Variants in CELSR3 observed in about 807,000 individuals in gnomAD.
The protein encoded by CELSR3 is EGF-like protein 1.
In CELSR3, 73 loss-of-function variants were observed where a neutral mutation model predicts 270.0. That is an observed-to-expected ratio of 0.27 (90% CI 0.22 to 0.33). CELSR3 has a LOEUF of 0.33. Ranked by LOEUF, CELSR3 falls within the 10% of genes least tolerant of loss-of-function variation. CELSR3 has a pLI of 1.00. For missense variants in CELSR3, 3,614 were observed against 4,533.8 expected (o/e 0.80, Z 5.83); for synonymous variants, 1,780 against 1,905.4 (o/e 0.93, Z 1.71).
chr3:48,649,553 G>A (rs1056715424), intron 16 of CELSR3, among the ~76,000 whole-genome samples: 1 of 152,194 alleles, frequency 6.6e-6, no homozygotes, highest in Non-Finnish European at 1.5e-5. Flanking sequence ...ACAGATGTAT[G>A]GACCAGACCA....
In CELSR3 at chr3:48,651,741, C is replaced by G; in HGVS notation, c.5924-23G>C. 1.3e-6 allele frequency: 2 copies of G among 1,535,140 alleles called. No homozygotes were observed. Among genetic ancestry groups the G allele is most frequent in the South Asian group, 2.6e-5 (2 of 78,136 alleles). On this transcript the variant is annotated intron_variant, in intron 12 of 34. Coordinates refer to ENST00000164024, the MANE Select transcript of CELSR3 (RefSeq NM_001407.3). The surrounding 1 kb of genome is among the most constrained non-coding windows in gnomAD (Gnocchi z 7.4). ...AACCTGCAGATTGGGTCAGAAAGCT[C>G]AGGATCCTGGTCGCAGAGCATGGAA...
Position 48,644,379 on chromosome 3 carries a change from A to G in CELSR3, c.8086-84T>C. 2 of 1,280,310 alleles carry G rather than the reference A, an allele frequency of 1.6e-6. No individual in the cohort carries two copies. The highest frequency in any genetic ancestry group is 2.4e-5 in the South Asian group (2 of 82,196). The allele number at this position is 1,280,310 out of a possible 1,614,324, so 79.3% of individuals were successfully genotyped here. ...GGCAATGAGAGACAGAGAGAGACTA[A>G]GATTCACGGAGAGAGGCAGAACCAG... On this transcript the variant is annotated intron_variant, in intron 26 of 34. Transcript: ENST00000164024. The surrounding 1 kb of genome is among the most constrained non-coding windows in gnomAD (Gnocchi z 4.8).
At chr3:48,643,422 G>T in intron 28 of CELSR3, 132 bp downstream of exon 28, 1 of 1,273,560 alleles carries the variant, frequency 7.9e-7, no homozygotes, top group Non-Finnish European at 1.1e-6. Flanking sequence ...TCTGGTCTGG[G>T]GTAGTACCCA....
At position 48,639,092 on chromosome 3, in the gene CELSR3, A is replaced by G. The variant is rs111410934; in HGVS notation, c.9911+582T>C. ...CTGTCCGCCATCCCCTTCCCCACAGATGCTTCACACATACCCGAGATGAAC... is the reference window on the plus strand; with the variant it reads ...CTGTCCGCCATCCCCTTCCCCACAGGTGCTTCACACATACCCGAGATGAAC... On this transcript the variant is annotated intron_variant, in intron 34 of 34. Coordinates refer to ENST00000164024, the MANE Select transcript of CELSR3 (RefSeq NM_001407.3). The surrounding 1 kb of genome is among the most constrained non-coding windows in gnomAD (Gnocchi z 4.1). Among the ~76,000 whole-genome samples, 3 of 152,086 alleles carry G rather than the reference A, an allele frequency of 2.0e-5. No individual in the cohort carries two copies. Among genetic ancestry groups the G allele is most frequent in the African/African-American group, 7.2e-5 (3 of 41,466 alleles).
rs1444797621 is a variant in CELSR3 at position 48,657,268 on chromosome 3, C to T, written c.3829G>A (p.Val1277Met). 3 of 1,612,172 alleles carry T rather than the reference C, an allele frequency of 1.9e-6. No homozygotes were observed. The highest frequency in any genetic ancestry group is 2.2e-5 in the East Asian group (1 of 44,788). Reference protein sequence around the residue: ...TEELLANSLTVRLENMWQERF... With the variant: ...TEELLANSLTMRLENMWQERF... Reference sequence around the variant, plus strand: ...TCCTGCCACATGTTCTCAAGGCGCACGGTCAGGCTGTTGGCCAGCAACTCC... The same window carrying T: ...TCCTGCCACATGTTCTCAAGGCGCATGGTCAGGCTGTTGGCCAGCAACTCC... The change falls in exon 2 of 35, where the codon GTG becomes ATG. Residue 1277 changes from valine to methionine, a missense_variant. Val to Met is a conservative substitution (Grantham distance 21). Around this residue, in one of 7 missense-constraint regions of CELSR3, gnomAD observed 1,331 missense variants for 1,933.7 expected, o/e 0.69. Coordinates refer to ENST00000164024, the MANE Select transcript of CELSR3 (RefSeq NM_001407.3). This position sits in a 1 kb window ranked among gnomAD's most constrained non-coding sequence, Gnocchi z 5.4.
chr3:48,655,608 T>C lies in CELSR3; in HGVS notation c.4741+128A>G. On this transcript the variant is annotated intron_variant, in intron 4 of 34. Transcript: ENST00000164024. This position sits in a 1 kb window ranked among gnomAD's most constrained non-coding sequence, Gnocchi z 5.8. ...TTCCCACAGGGAATGGCCAAGGAGCTAGGTCTTCAGGGCTTGCATGGCGTG... is the reference window on the plus strand; with the variant it reads ...TTCCCACAGGGAATGGCCAAGGAGCCAGGTCTTCAGGGCTTGCATGGCGTG... 1.1e-6 allele frequency: 1 copy of C among 924,634 alleles called. No homozygotes were observed. The highest frequency in any genetic ancestry group is 1.4e-5 in the South Asian group (1 of 69,634). 57.3% of individuals were successfully genotyped at this position (924,634 alleles called of 1,614,324 possible). A position where few individuals can be genotyped will look rare whatever the true frequency, so the allele number is the denominator to read the frequency against.
Position 48,662,051 on chromosome 3 carries a change from G to A in CELSR3, c.584C>T (p.Ser195Phe), listed in dbSNP as rs201910013. ...VSSQRNAGTG[S>F]RKRVGTARCC... Reference sequence around the variant, plus strand: ...GCGCGCGGTGCCCACTCTTTTGCGGGAGCCTGTCCCAGCGTTCCGCTGGGA... The same window carrying A: ...GCGCGCGGTGCCCACTCTTTTGCGGAAGCCTGTCCCAGCGTTCCGCTGGGA... The change falls in exon 1 of 35, where the codon TCC becomes TTC. Residue 195 changes from serine (S) to phenylalanine (F), a missense_variant. Ser to Phe is a radical substitution (Grantham distance 155). Transcript: ENST00000164024. The surrounding 1 kb of genome is among the most constrained non-coding windows in gnomAD (Gnocchi z 7.1). 7.6e-5 allele frequency: 122 copies of A among 1,614,122 alleles called. No homozygotes were observed. Among genetic ancestry groups the A allele is most frequent in the Middle Eastern group, 1.6e-4 (1 of 6,062 alleles).
rs769669332 is a variant in CELSR3 at position 48,659,796 on chromosome 3, C to A, written c.2839G>T (p.Val947Leu). Residue 947 changes from valine (V) to leucine (L), a missense_variant, in exon 1 of 35, where the codon GTG becomes TTG. Around this residue, in one of 7 missense-constraint regions of CELSR3, gnomAD observed 1,331 missense variants for 1,933.7 expected, o/e 0.69. Transcript: ENST00000164024. The surrounding 1 kb of genome is among the most constrained non-coding windows in gnomAD (Gnocchi z 8.1). ...GIPQKADTTYVEVMVNDVNDN... is the reference protein window; with the variant it reads ...GIPQKADTTYLEVMVNDVNDN... ...TTCACGTCATTGACCATCACCTCCA[C>A]ATAAGTAGTGTCTGCCTTCTGTGGG... 2 of 1,614,234 alleles carry A rather than the reference C, an allele frequency of 1.2e-6. No individual in the cohort carries two copies. Among genetic ancestry groups the A allele is most frequent in the South Asian group, 2.2e-5 (2 of 91,086 alleles).
Position 48,654,463 on chromosome 3 carries a change from G to A in CELSR3, c.4989-11C>T, listed in dbSNP as rs756259687. ...GTCAGGTCCAGGGACCTGGGGATCA[G>A]GGGTCTGGGTCATTGGTGGGACTGG... On this transcript the variant is annotated splice_polypyrimidine_tract_variant and intron_variant, in intron 6 of 34. Transcript: ENST00000164024. This position sits in a 1 kb window ranked among gnomAD's most constrained non-coding sequence, Gnocchi z 5.4. 1 of 1,567,456 alleles carries A rather than the reference G, an allele frequency of 6.4e-7. No homozygotes were observed. Among genetic ancestry groups the A allele is most frequent in the Non-Finnish European group, 8.7e-7 (1 of 1,154,382 alleles).
At position 48,652,668 on chromosome 3, in the gene CELSR3, G is replaced by A; in HGVS notation, c.5635-115C>T. 1.3e-6 allele frequency: 1 copy of A among 756,194 alleles called. No individual in the cohort carries two copies. The highest frequency in any genetic ancestry group is 2.1e-6 in the Non-Finnish European group (1 of 474,020). The allele number at this position is 756,194 out of a possible 1,614,324, so 46.8% of individuals were successfully genotyped here. A position where few individuals can be genotyped will look rare whatever the true frequency, so the allele number is the denominator to read the frequency against. Reference sequence around the variant, plus strand: ...CTTCTAGGCTGCCCCCTCCCTCCTGGACCCACAGTAGACCTTAATATTGCT... The same window carrying A: ...CTTCTAGGCTGCCCCCTCCCTCCTGAACCCACAGTAGACCTTAATATTGCT... On this transcript the variant is annotated intron_variant, in intron 10 of 34. Coordinates refer to ENST00000164024, the MANE Select transcript of CELSR3 (RefSeq NM_001407.3). This position sits in a 1 kb window ranked among gnomAD's most constrained non-coding sequence, Gnocchi z 4.3.
Position 48,652,321 on chromosome 3 carries a change from C to T in CELSR3, c.5751+116G>A. ...CTTGACCTAGCTCTCAACTCTGGGT[C>T]ATTCACCCCCTCGCACCAACCCCCA... On this transcript the variant is annotated intron_variant, in intron 11 of 34. Transcript: ENST00000164024. This position sits in a 1 kb window ranked among gnomAD's most constrained non-coding sequence, Gnocchi z 4.3. 1 of 889,036 alleles carries T rather than the reference C, an allele frequency of 1.1e-6. No homozygotes were observed. Among genetic ancestry groups the T allele is most frequent in the Non-Finnish European group, 1.9e-6 (1 of 537,526 alleles). The allele number at this position is 889,036 out of a possible 1,614,324, so 55.1% of individuals were successfully genotyped here.
Position 48,639,802 on chromosome 3 carries a change from C to T in CELSR3, c.9783G>A (p.Val3261=). 1 of 1,613,794 alleles carries T rather than the reference C, an allele frequency of 6.2e-7. No individual in the cohort carries two copies. Among genetic ancestry groups the T allele is most frequent in the Non-Finnish European group, 8.5e-7 (1 of 1,180,000 alleles). The change falls in exon 34 of 35, where the codon GTG becomes GTA. Residue 3261 remains valine, a synonymous_variant. Coordinates refer to ENST00000164024, the MANE Select transcript of CELSR3 (RefSeq NM_001407.3). The surrounding 1 kb of genome is among the most constrained non-coding windows in gnomAD (Gnocchi z 4.1). ...ASFNSSALSS[V]QSSSTPLGPH... ...GGCCCAAGGGTGTGCTTGAAGATTG[C>T]ACAGAGGAGAGGGCCGAGGAGTTGA... is the stretch of plus-strand genomic sequence containing the variant.
chr3:48,643,254 G>C, intron 28 of CELSR3, 171 bp from the exon 29 acceptor site: 1 of 629,068 alleles, frequency 1.6e-6, no homozygotes, highest in Non-Finnish European at 2.8e-6. Flanking sequence ...AGAGGATGGA[G>C]CAGCAGGAGT....
In CELSR3 at chr3:48,660,887, T is replaced by C. The variant is rs894448147; in HGVS notation, c.1748A>G (p.Asn583Ser). ...DKDANGLVHY[N>S]IISGNSRGHF... ...TCCACGGCTATTGCCACTGATGATG[T>C]TGTAGTGCACCAATCCGTTGGCGTC... Residue 583 changes from asparagine to serine, a missense_variant, in exon 1 of 35, where the codon AAC becomes AGC. Coordinates refer to ENST00000164024, the MANE Select transcript of CELSR3 (RefSeq NM_001407.3). The surrounding 1 kb of genome is among the most constrained non-coding windows in gnomAD (Gnocchi z 5.5). 1.9e-6 allele frequency: 3 copies of C among 1,614,000 alleles called. No homozygotes were observed. The highest frequency in any genetic ancestry group is 2.5e-6 in the Non-Finnish European group (3 of 1,180,036).
Position 48,645,260 on chromosome 3 carries a change from C to A in CELSR3, c.7798-51G>T, listed in dbSNP as rs932798471. 3 of 1,550,798 alleles carry A rather than the reference C, an allele frequency of 1.9e-6. No individual in the cohort carries two copies. Among genetic ancestry groups the A allele is most frequent in the Non-Finnish European group, 2.6e-6 (3 of 1,142,868 alleles). On this transcript the variant is annotated intron_variant, in intron 24 of 34. Transcript: ENST00000164024. The surrounding 1 kb of genome is among the most constrained non-coding windows in gnomAD (Gnocchi z 5.4). ...CCTCTCCTGCCTCACCCACCTCTGA[C>A]CCCTACCCCAGGCATCTGCTTCCCA...
chr3:48,648,112 C>G (rs1456190962), intron 19 of CELSR3, 116 bp from the exon 20 acceptor site: 1 of 1,455,740 alleles, frequency 6.9e-7, no homozygotes, highest in Non-Finnish European at 9.4e-7. Context: ...TCTGTGCTAC[C>G]AGCTCGGAGC....
At chr3:48,656,564 C>G in intron 2 of CELSR3, 134 bp downstream of exon 2, 1 of 1,293,190 alleles carries the variant, frequency 7.7e-7, no homozygotes, top group Non-Finnish European at 1.0e-6. Context: ...CGGCCACGCT[C>G]TACGGCTTCT....
In CELSR3 at chr3:48,650,406, A is replaced by C; in HGVS notation, c.6472+74T>G. ...GGAACAAAGCCACCCAATTTAGGAA[A>C]AGACATGGCTCTAGCAGTCAGAGTA... is the stretch of plus-strand genomic sequence containing the variant. On this transcript the variant is annotated intron_variant, in intron 16 of 34. Coordinates refer to ENST00000164024, the MANE Select transcript of CELSR3 (RefSeq NM_001407.3). The surrounding 1 kb of genome is among the most constrained non-coding windows in gnomAD (Gnocchi z 5.1). 8.2e-7 allele frequency: 1 copy of C among 1,213,900 alleles called. No individual in the cohort carries two copies. The highest frequency in any genetic ancestry group is 1.2e-6 in the Non-Finnish European group (1 of 844,470). The allele number at this position is 1,213,900 out of a possible 1,614,324, so 75.2% of individuals were successfully genotyped here.
rs1166858941 is a variant in CELSR3, at chr3:48,661,666, C to A, written c.969G>T (p.Pro323=). 1 of 1,584,800 alleles carries A rather than the reference C, an allele frequency of 6.3e-7. No individual in the cohort carries two copies. The highest frequency in any genetic ancestry group is 8.6e-7 in the Non-Finnish European group (1 of 1,165,438). Residue 323 remains proline (P), a synonymous_variant, in exon 1 of 35, where the codon CCG becomes CCT. Coordinates refer to ENST00000164024, the MANE Select transcript of CELSR3 (RefSeq NM_001407.3). ...TCTGGTAGTTGTACTGCGGAAACTGCGGGTGGCGGTTTGCGGCGCGACGAA... is the reference window on the plus strand; with the variant it reads ...TCTGGTAGTTGTACTGCGGAAACTGAGGGTGGCGGTTTGCGGCGCGACGAA... ...ARFRRAANRH[P]QFPQYNYQTL...
Sources: gnomAD v4.1 joint callset for allele counts (sites outside exome capture counted in the v4.1 genomes callset) on GRCh38, gnomAD v4.1.1 for gene constraint, gnomAD v4.1.1 regional missense constraint, Gnocchi (gnomAD v3.1) non-coding constraint, MANE v1.5 for transcripts, NCBI Gene and HGNC (gene_info 2026-07-23, HGNC 2026-07-21) for gene names.